HELZ: variants seen among roughly 807,000 people sequenced by gnomAD.
HELZ encodes the protein ATP-dependent RNA helicase with zinc finger domain.
Under a neutral mutation model 218.2 loss-of-function variants are expected in HELZ, and 23 were observed. That is an observed-to-expected ratio of 0.11 (90% confidence interval 0.08 to 0.15). HELZ has a LOEUF of 0.15. Ranked by LOEUF, HELZ falls within the 10% of genes least tolerant of loss-of-function variation. The pLI, the probability that HELZ is intolerant of heterozygous loss-of-function variation, is 1.00. For synonymous variants in HELZ, 814 were observed against 829.4 expected, an observed-to-expected ratio of 0.98 and a Z score of 0.32; for missense variants, 1,813 against 2,353.7, an observed-to-expected ratio of 0.77 and a Z score of 4.75.
At chr17:67,102,357 T>A (rs1368244654) in intron 31 of HELZ, among the ~76,000 whole-genome samples, 6 of 152,240 alleles carry the variant, frequency 3.9e-5, no homozygotes, top group African/African-American at 1.4e-4. Context: ...AGTTAAATTA[T>A]AAATAATTTC....
chr17:67,103,053 T>C (rs1334959080), intron 31 of HELZ, among the ~76,000 whole-genome samples: 2 of 152,166 alleles, frequency 1.3e-5, no homozygotes, highest in Non-Finnish European at 2.9e-5. Context: ...TATAAAAACT[T>C]TGGCACACAG....
chr17:67,152,006 G>GA (rs1423236814), intron 17 of HELZ, among the ~76,000 whole-genome samples: 9 of 152,182 alleles, frequency 5.9e-5, no homozygotes, highest in African/African-American at 2.2e-4. Flanking sequence ...TGAGTTTGAT[G>GA]AAAAGCCAAC....
intron 19 of HELZ, among the ~76,000 whole-genome samples, 188 bp downstream of exon 19, chr17:67,149,677 GAA>G (rs1216238911): frequency 2.0e-5 from 3 of 151,956 alleles, no homozygotes; most frequent in Non-Finnish European, 2.9e-5. Context: ...ATCCAAAAAA[GAA>G]AAAAGAGTAG....
At chr17:67,152,983 A>C (rs1287914192) in intron 17 of HELZ, among the ~76,000 whole-genome samples, 1 of 152,146 alleles carries the variant, frequency 6.6e-6, no homozygotes, top group Admixed American at 6.5e-5. Context: ...ATGAAGACTG[A>C]CCACAGGACT....
chr17:67,224,748 C>T, intron 3 of HELZ: 1 of 1,144,592 alleles, frequency 8.7e-7, no homozygotes, highest in Non-Finnish European at 1.3e-6. Flanking sequence ...TTGCTAAAAC[C>T]CGCCGGACTT....
chr17:67,222,376 A>T (rs2040769942), intron 3 of HELZ, among the ~76,000 whole-genome samples: 1 of 152,222 alleles, frequency 6.6e-6, no homozygotes, highest in Non-Finnish European at 1.5e-5. Flanking sequence ...GATCACAAAG[A>T]TTAATATCAA....
At chr17:67,201,654 C>T (rs529878338) in intron 6 of HELZ, among the ~76,000 whole-genome samples, 1 of 152,262 alleles carries the variant, frequency 6.6e-6, no homozygotes, top group African/African-American at 2.4e-5. Flanking sequence ...AAATATCACT[C>T]TTCTGAAATC....
chr17:67,202,386 G>A (rs918351807), intron 6 of HELZ, among the ~76,000 whole-genome samples: 6 of 152,154 alleles, frequency 3.9e-5, no homozygotes, highest in African/African-American at 1.4e-4. Flanking sequence ...CCTAGCTACT[G>A]AGGAGGTTGA....
intron 15 of HELZ, among the ~76,000 whole-genome samples, chr17:67,165,125 C>G (rs1475273595): frequency 2.6e-5 from 4 of 152,102 alleles, no homozygotes; most frequent in Admixed American, 2.6e-4. Context: ...CAGGATAGTA[C>G]ACAAGAGGAA....
chr17:67,130,296 TA>T (rs976219598), intron 23 of HELZ, among the ~76,000 whole-genome samples: 3 of 151,770 alleles, frequency 2.0e-5, no homozygotes, highest in Non-Finnish European at 4.4e-5. Context: ...CTTATCCATG[TA>T]AACAAAAACC....
chr17:67,124,457 A>G (rs762941108), intron 24 of HELZ, among the ~76,000 whole-genome samples: 2 of 152,186 alleles, frequency 1.3e-5, no homozygotes, highest in African/African-American at 2.4e-5. Flanking sequence ...GAATGCAAAT[A>G]TGGCTTAGGA....
rs2035891631 is a variant in HELZ, at chr17:67,071,784, A to T, written c.*6468T>A. ...GCTCATACATGTGCACCTATGACTT[A>T]TGAATAATTCATGCTGTGTAGGTGG... On this transcript the variant is annotated 3_prime_UTR_variant, in exon 33 of 33. Transcript: ENST00000358691. The T allele has an allele frequency of 6.6e-6, 1 of 152,592 alleles. No homozygotes were observed. The highest frequency in any genetic ancestry group is 2.4e-5 in the African/African-American group (1 of 41,444). The allele number at this position is 152,592 out of a possible 1,614,324, so 9.5% of individuals were successfully genotyped here.
Position 67,108,429 on chromosome 17 carries a change from A to C in HELZ, c.4724+63T>G. The C allele has an allele frequency of 8.0e-7, 1 of 1,248,948 alleles. No homozygotes were observed. Among genetic ancestry groups the C allele is most frequent in the South Asian group, 1.2e-5 (1 of 81,338 alleles). The allele number at this position is 1,248,948 out of a possible 1,614,324, so 77.4% of individuals were successfully genotyped here. A position where few individuals can be genotyped will look rare whatever the true frequency, so the allele number is the denominator to read the frequency against. On this transcript the variant is annotated intron_variant, in intron 30 of 32. Transcript: ENST00000358691. This position sits in a 1 kb window ranked among gnomAD's most constrained non-coding sequence, Gnocchi z 4.1. Reference sequence around the variant, plus strand: ...TCCAGCTTGAAGCTAAAAGGACTACAGTCAAAAAAGAGAACAGTGAGGGGG... The same window carrying C: ...TCCAGCTTGAAGCTAAAAGGACTACCGTCAAAAAAGAGAACAGTGAGGGGG...
At chr17:67,244,522 G>A (rs1442812559) in intron 1 of HELZ, 3 of 845,258 alleles carry the variant, frequency 3.5e-6, no homozygotes, top group Non-Finnish European at 4.3e-6. Flanking sequence ...CAGGAAAAGA[G>A]AGCCTATCTT....
At chr17:67,099,483 T>C (rs970436418) in intron 31 of HELZ, among the ~76,000 whole-genome samples, 1 of 152,232 alleles carries the variant, frequency 6.6e-6, no homozygotes, top group East Asian at 1.9e-4. Context: ...ACTACACATA[T>C]AATCACGATT....
intron 12 of HELZ, among the ~76,000 whole-genome samples, chr17:67,182,972 C>T (rs776046336): frequency 6.6e-6 from 1 of 152,104 alleles, no homozygotes; most frequent in African/African-American, 2.4e-5. Context: ...TCTAAGTACC[C>T]AGCACAAGGG....
In HELZ at chr17:67,091,266, A is replaced by G. The variant is rs567494734; in HGVS notation, c.5242-4185T>C. On this transcript the variant is annotated intron_variant, in intron 31 of 32. Coordinates refer to ENST00000358691, the MANE Select transcript of HELZ (RefSeq NM_014877.4). ...ATCAAATAATAATATTCAAAGTGAA[A>G]AAAGAAGGGGAAAAAAGCCTCAATG... 7.9e-5 allele frequency among the ~76,000 whole-genome samples: 12 copies of G among 152,246 alleles called. No individual in the cohort carries two copies. The South Asian group carries it at 2.5e-3, about 32-fold the overall frequency.
At chr17:67,109,007 C>T (rs2037194247) in intron 29 of HELZ, 109 bp downstream of exon 29, 2 of 935,706 alleles carry the variant, frequency 2.1e-6, no homozygotes, top group South Asian at 3.4e-5. Flanking sequence ...GGGGGTTTTG[C>T]TAGCATTATT....
chr17:67,166,622 T>C lies in HELZ; in HGVS notation c.1765-14A>G, dbSNP rs748484764. On this transcript the variant is annotated splice_polypyrimidine_tract_variant and intron_variant, in intron 14 of 32. Coordinates refer to ENST00000358691, the MANE Select transcript of HELZ (RefSeq NM_014877.4). The stretch of plus-strand genomic sequence containing the variant: ...CTGAAGTTCAACCTGAAAGACAAAA[T>C]GAATGTTTTAAAAACTGCATGAAAG... 1.1e-5 allele frequency: 18 copies of C among 1,612,512 alleles called. No homozygotes were observed. The highest frequency in any genetic ancestry group is 3.3e-4 in the Middle Eastern group (2 of 6,072).
Sources: gnomAD v4.1 joint callset for allele counts (sites outside exome capture counted in the v4.1 genomes callset) on GRCh38, gnomAD v4.1.1 for gene constraint, Gnocchi (gnomAD v3.1) non-coding constraint, MANE v1.5 for transcripts, NCBI Gene and HGNC (gene_info 2026-07-23, HGNC 2026-07-21) for gene names.